RNASET2: variants seen among roughly 807,000 people sequenced by gnomAD.
RNASET2 encodes ribonuclease 6.
A neutral mutation model predicts 33.9 loss-of-function variants in RNASET2; 28 were observed. The ratio of observed to expected loss-of-function variants is 0.83; its 90% CI spans 0.61 to 1.13. RNASET2 has a LOEUF of 1.13. Among genes scored for constraint, RNASET2 ranks in the 50% most tolerant of loss-of-function variants. RNASET2 has a pLI of 0.00. For synonymous variants in RNASET2, 123 were observed against 121.0 expected (o/e 1.02, Z -0.11); for missense variants, 330 against 319.9 (o/e 1.03, Z -0.24).
rs1179721289 is a variant in RNASET2, at chr6:166,928,853, G to T, written c.*735C>A. 6.6e-6 allele frequency among the ~76,000 whole-genome samples: 1 copy of T among 152,210 alleles called. No individual in the cohort carries two copies. Among genetic ancestry groups the T allele is most frequent in the African/African-American group, 2.4e-5 (1 of 41,454 alleles). On this transcript the variant is annotated 3_prime_UTR_variant, in exon 9 of 9. Coordinates refer to ENST00000508775, the MANE Select transcript of RNASET2 (RefSeq NM_003730.6). Reference sequence around the variant, plus strand: ...CACAATGTAGGCACATTTCGCTGGGGGCTCCATGTACATTTCTAAATAGAT... The same window carrying T: ...CACAATGTAGGCACATTTCGCTGGGTGCTCCATGTACATTTCTAAATAGAT...
rs1554266633 is a variant in RNASET2, at chr6:166,926,544, A to AAAG, written c.*3043_*3044insCTT. 6.6e-6 allele frequency among the ~76,000 whole-genome samples: 1 copy of AAAG among 151,160 alleles called. No individual in the cohort carries two copies. ...GTGAGACTCAGTCTCAAAAAAAAAA[A>AAAG]AAAAGAAAAGAAAAGAAAAGATATC... On this transcript the variant is annotated 3_prime_UTR_variant, in exon 9 of 9. Transcript: ENST00000508775.
In RNASET2 at chr6:166,925,267, C is replaced by T. The variant is rs114155550; in HGVS notation, c.*4321G>A. 2.2e-3 allele frequency among the ~76,000 whole-genome samples: 332 copies of T among 150,756 alleles called. No homozygotes were observed. The highest frequency in any genetic ancestry group is 6.5e-3 in the African/African-American group (267 of 40,954). ...ACCTACGATGCGCAGTCCATGTCTC[C>T]GCTGCCCAGGCCTCATCTATGCCAC... On this transcript the variant is annotated 3_prime_UTR_variant, in exon 9 of 9. Coordinates refer to ENST00000508775, the MANE Select transcript of RNASET2 (RefSeq NM_003730.6).
intron 6 of RNASET2, chr6:166,934,570 CA>C: frequency 4.4e-6 from 1 of 229,662 alleles, no homozygotes; most frequent in Non-Finnish European, 8.7e-6. Flanking sequence ...TGAAGGCCTG[CA>C]TGTACGAGGG....
At position 166,929,736 on chromosome 6, in the gene RNASET2, T is replaced by C. The variant is rs373290604; in HGVS notation, c.623A>G (p.Gln208Arg). The change falls in exon 9 of 9, where the codon CAG (glutamine) becomes CGG (arginine). Residue 208 changes from glutamine (Q) to arginine (R), a missense_variant. Transcript: ENST00000508775. ...CGGCTCGGTGCAGTTTTGCAGCTGC[T>C]GGTCTTGCTTAGTGAGGCACAGTTC... ...QIELCLTKQD[Q>R]QLQNCTEPGE... The C allele has an allele frequency of 3.7e-6, 6 of 1,614,062 alleles. No homozygotes were observed. Among genetic ancestry groups the C allele is most frequent in the Non-Finnish European group, 5.1e-6 (6 of 1,180,040 alleles).
Position 166,924,099 on chromosome 6 carries a change from CTTTT to C in RNASET2, c.*5485_*5488del, listed in dbSNP as rs1022231812. Among the ~76,000 whole-genome samples the C allele has an allele frequency of 1.3e-5, 2 of 152,132 alleles. No individual in the cohort carries two copies. On this transcript the variant is annotated 3_prime_UTR_variant, in exon 9 of 9. Coordinates refer to ENST00000508775, the MANE Select transcript of RNASET2 (RefSeq NM_003730.6). ...TCCACTGGGACCAGTGCTGCATTCT[CTTTT>C]TTTCTTTTTTTGAAACGGAGTCTTG...
intron 8 of RNASET2, among the ~76,000 whole-genome samples, chr6:166,930,447 GCACATACC>G (rs1778392568): frequency 6.6e-6 from 1 of 151,614 alleles, no homozygotes; most frequent in Non-Finnish European, 1.5e-5. Context: ...CACACACACA[GCACATACC>G]CACATGCATG....
rs41269593 is a variant in RNASET2, at chr6:166,929,716, C to G, written c.643G>C (p.Glu215Gln). 3.1e-6 allele frequency: 5 copies of G among 1,613,982 alleles called. No individual in the cohort carries two copies. Among genetic ancestry groups the G allele is most frequent in the African/African-American group, 2.7e-5 (2 of 74,912 alleles). ...KQDQQLQNCT[E>Q]PGEQPSPKQE... Reference sequence around the variant, plus strand: ...TTGGGGGACGGCTGCTCCCCCGGCTCGGTGCAGTTTTGCAGCTGCTGGTCT... The same window carrying G: ...TTGGGGGACGGCTGCTCCCCCGGCTGGGTGCAGTTTTGCAGCTGCTGGTCT... Residue 215 changes from glutamate (E) to glutamine (Q), a missense_variant, in exon 9 of 9, where the codon GAG (glutamate) becomes CAG (glutamine). Coordinates refer to ENST00000508775, the MANE Select transcript of RNASET2 (RefSeq NM_003730.6).
At position 166,946,710 on chromosome 6, in the gene RNASET2, G is replaced by A. The variant is rs1434250650; in HGVS notation, c.233C>T (p.Ser78Leu). The A allele has an allele frequency of 3.2e-6, 5 of 1,565,374 alleles. No homozygotes were observed. Among genetic ancestry groups the A allele is most frequent in the Non-Finnish European group, 4.4e-6 (5 of 1,145,806 alleles). The change falls in exon 4 of 9, where the codon TCG becomes TTG. Residue 78 changes from serine (S) to leucine (L), a missense_variant. Coordinates refer to ENST00000508775, the MANE Select transcript of RNASET2 (RefSeq NM_003730.6). ...WPDKSEGCNR[S>L]WPFNLEEIKD... ...AATCTCTTCTAAATTGAAGGGCCACGATCTATTACATCCTTCACTTTTATC... is the reference window on the plus strand; with the variant it reads ...AATCTCTTCTAAATTGAAGGGCCACAATCTATTACATCCTTCACTTTTATC...
chr6:166,942,665 C>T (rs1469363788), intron 5 of RNASET2, among the ~76,000 whole-genome samples: 1 of 152,082 alleles, frequency 6.6e-6, no homozygotes, highest in Non-Finnish European at 1.5e-5. Flanking sequence ...TGGTCTCAAA[C>T]TCCTCAGCTC....
chr6:166,928,019 G>A lies in RNASET2; in HGVS notation c.*1569C>T, dbSNP rs1778333946. ...GACCCTGGACCCTTGGGCTCCGCTA[G>A]CCTTCCCCACAGCTTGCAGAAGAGG... On this transcript the variant is annotated 3_prime_UTR_variant, in exon 9 of 9. Coordinates refer to ENST00000508775, the MANE Select transcript of RNASET2 (RefSeq NM_003730.6). 6.6e-6 allele frequency among the ~76,000 whole-genome samples: 1 copy of A among 152,222 alleles called. No homozygotes were observed. The highest frequency in any genetic ancestry group is 2.4e-5 in the African/African-American group (1 of 41,452).
intron 6 of RNASET2, among the ~76,000 whole-genome samples, chr6:166,935,398 G>A (rs1278685201): frequency 6.6e-6 from 1 of 152,072 alleles, no homozygotes; most frequent in Non-Finnish European, 1.5e-5. Context: ...CGTGTTACAC[G>A]TCTATTGGGT....
At chr6:166,951,970 AG>A (rs1778995294) in intron 2 of RNASET2, among the ~76,000 whole-genome samples, 1 of 152,200 alleles carries the variant, frequency 6.6e-6, no homozygotes, top group East Asian at 1.9e-4. Flanking sequence ...ACATGGACAC[AG>A]GGTCTTTGCA....
chr6:166,948,413 TG>T (rs1299970713), intron 3 of RNASET2, 156 bp downstream of exon 3: 1 of 705,962 alleles, frequency 1.4e-6, no homozygotes, highest in Non-Finnish European at 2.6e-6. Context: ...ATCAGGGTTC[TG>T]CTAGAAAGAC....
At position 166,938,894 on chromosome 6, in the gene RNASET2, C is replaced by A; in HGVS notation, c.446+1G>T. 1 of 1,605,890 alleles carries A rather than the reference C, an allele frequency of 6.2e-7. No individual in the cohort carries two copies. The highest frequency in any genetic ancestry group is 8.5e-7 in the Non-Finnish European group (1 of 1,172,492). ...TGCAGCCGGGGGAAGGGCGCACCCACCTGTTGAGGTCCAGCTCCCTGTAGA... is the reference window on the plus strand; with the variant it reads ...TGCAGCCGGGGGAAGGGCGCACCCAACTGTTGAGGTCCAGCTCCCTGTAGA... On this transcript the variant is annotated splice_donor_variant, in intron 6 of 8. Transcript: ENST00000508775. LOFTEE classifies it high-confidence loss of function.
chr6:166,953,399 C>T (rs968911265), intron 1 of RNASET2: 7 of 152,214 alleles, frequency 4.6e-5, no homozygotes, highest in African/African-American at 1.4e-4. Flanking sequence ...AGCAGCAACA[C>T]AGGATATAAG....
At position 166,933,148 on chromosome 6, in the gene RNASET2, C is replaced by A. The variant is rs139609004; in HGVS notation, c.492+943G>T. On this transcript the variant is annotated intron_variant, in intron 7 of 8. Coordinates refer to ENST00000508775, the MANE Select transcript of RNASET2 (RefSeq NM_003730.6). The surrounding 1 kb of genome is among the most constrained non-coding windows in gnomAD (Gnocchi z 4.1). ...CTAAATCCACAACCTGTGATAAATACGAAAACTATCTCAAAGAATCTGATA... is the reference window on the plus strand; with the variant it reads ...CTAAATCCACAACCTGTGATAAATAAGAAAACTATCTCAAAGAATCTGATA... The A allele has an allele frequency of 4.6e-5, 7 of 152,174 alleles. No homozygotes were observed. Among genetic ancestry groups the A allele is most frequent in the Non-Finnish European group, 8.8e-5 (6 of 68,030 alleles). 9.4% of individuals were successfully genotyped at this position (152,174 alleles called of 1,614,324 possible).
At chr6:166,947,866 G>T (rs1778885791) in intron 3 of RNASET2, among the ~76,000 whole-genome samples, 1 of 152,164 alleles carries the variant, frequency 6.6e-6, no homozygotes, top group Non-Finnish European at 1.5e-5. Context: ...ACATAGAAAA[G>T]AATTAACTGA....
At chr6:166,953,050 CTT>C (rs1159817349) in intron 1 of RNASET2, 1 of 205,244 alleles carries the variant, frequency 4.9e-6, no homozygotes, top group African/African-American at 2.3e-5. Context: ...AGTTTTTAGA[CTT>C]CACTTGCTTC....
In RNASET2 at chr6:166,926,533, C is replaced by CCAAA. The variant is rs1778308249; in HGVS notation, c.*3054_*3055insTTTG. Among the ~76,000 whole-genome samples, 1 of 128,324 alleles carries CCAAA rather than the reference C, an allele frequency of 7.8e-6. No homozygotes were observed. The allele number at this position is 128,324 out of a possible 152,430, so 84.2% of individuals were successfully genotyped here. A position where few individuals can be genotyped will look rare whatever the true frequency, so the allele number is the denominator to read the frequency against. Reference sequence around the variant, plus strand: ...TGGGCGACAGAGTGAGACTCAGTCTCAAAAAAAAAAAAAAAGAAAAGAAAA... The same window carrying CCAAA: ...TGGGCGACAGAGTGAGACTCAGTCTCCAAAAAAAAAAAAAAAAAAGAAAAGAAAA... On this transcript the variant is annotated 3_prime_UTR_variant, in exon 9 of 9. Coordinates refer to ENST00000508775, the MANE Select transcript of RNASET2 (RefSeq NM_003730.6).
Sources: gnomAD v4.1 joint callset for allele counts (sites outside exome capture counted in the v4.1 genomes callset) on GRCh38, gnomAD v4.1.1 for gene constraint, Gnocchi (gnomAD v3.1) non-coding constraint, MANE v1.5 for transcripts, NCBI Gene and HGNC (gene_info 2026-07-23, HGNC 2026-07-21) for gene names.